NFIB: variants seen among roughly 807,000 people sequenced by gnomAD.
NFIB encodes the protein nuclear factor I B, also known as nuclear factor 1 B-type.
A neutral mutation model predicts 61.5 loss-of-function variants in NFIB; 11 were observed. That is an observed-to-expected ratio of 0.18 (90% confidence interval 0.11 to 0.30). The LOEUF (loss-of-function observed/expected upper bound fraction) is 0.30. Among genes scored for constraint, NFIB ranks in the 10% least tolerant of loss-of-function variants. NFIB has a pLI of 1.00. For missense variants in NFIB, 471 were observed against 608.9 expected (o/e 0.77, Z 2.38); for synonymous variants, 260 against 216.5 (o/e 1.20, Z -1.76).
intron 1 of NFIB, chr9:14,322,048 T>A: frequency 8.2e-7 from 1 of 1,220,698 alleles, no homozygotes; most frequent in Non-Finnish European, 1.0e-6. Context: ...TCTCAGGGGT[T>A]GTTTTGGTGT....
chr9:14,464,483 G>C, the NFIB span, among the ~76,000 whole-genome samples: 6 of 152,140 alleles, frequency 3.9e-5, no homozygotes, highest in Non-Finnish European at 7.4e-5. Flanking sequence ...GTAAGAAGTG[G>C]GCTTTGAACA....
chr9:14,427,937 GTTTTTTTTTTTTTT>G, the NFIB span, among the ~76,000 whole-genome samples: 18 of 43,420 alleles, frequency 4.1e-4, no homozygotes, highest in South Asian at 1.6e-3. Flanking sequence ...TAATTCAGTT[GTTTTTTTTTTTTTT>G]TTTTTTTTTT....
chr9:14,104,468 A>G (rs2036253856), intron 10 of NFIB, among the ~76,000 whole-genome samples: 1 of 152,090 alleles, frequency 6.6e-6, no homozygotes, highest in African/African-American at 2.4e-5. Context: ...AAGTACAATG[A>G]AAACAATCAA....
At chr9:14,347,180 G>T (rs1347604071) in intron 1 of NFIB, 1 of 151,786 alleles carries the variant, frequency 6.6e-6, no homozygotes, top group South Asian at 2.1e-4. Context: ...TTAAAAAAGA[G>T]AAATAAATTT....
chr9:14,241,673 C>G (rs184124419), intron 2 of NFIB, among the ~76,000 whole-genome samples: 1 of 152,164 alleles, frequency 6.6e-6, no homozygotes, highest in East Asian at 1.9e-4. Flanking sequence ...TGGATCAGGG[C>G]CCACAACCAT....
chr9:14,448,424 T>A, the NFIB span, among the ~76,000 whole-genome samples: 1 of 152,216 alleles, frequency 6.6e-6, no homozygotes, highest in Non-Finnish European at 1.5e-5. Context: ...TTGATTTAAC[T>A]ATTTATATAT....
At chr9:14,499,049 CGT>C in the NFIB span, among the ~76,000 whole-genome samples, 25 of 150,616 alleles carry the variant, frequency 1.7e-4, no homozygotes, top group South Asian at 1.9e-3. Flanking sequence ...CACGTGTGTA[CGT>C]GTGTGTGCGT....
chr9:14,356,126 C>T (rs1005139064), intron 1 of NFIB, among the ~76,000 whole-genome samples: 5 of 152,074 alleles, frequency 3.3e-5, no homozygotes, highest in African/African-American at 7.2e-5. Context: ...ATTATGGGGT[C>T]CCAAACAAAA....
intron 1 of NFIB, among the ~76,000 whole-genome samples, chr9:14,394,708 C>T (rs1019731287): frequency 6.6e-6 from 1 of 152,102 alleles, no homozygotes; most frequent in African/African-American, 2.4e-5. Context: ...TGGATTCCTT[C>T]AAATGGCTTC....
At chr9:14,392,037 C>A (rs2061628375) in intron 1 of NFIB, among the ~76,000 whole-genome samples, 1 of 152,158 alleles carries the variant, frequency 6.6e-6, no homozygotes, top group African/African-American at 2.4e-5. Flanking sequence ...CCCAAAAACC[C>A]ATCACCCGGT....
At chr9:14,471,027 T>C in the NFIB span, among the ~76,000 whole-genome samples, 1 of 152,230 alleles carries the variant, frequency 6.6e-6, no homozygotes, top group Non-Finnish European at 1.5e-5. Flanking sequence ...GTTTAAAGCA[T>C]TAATGATCTG....
At chr9:14,194,777 C>T (rs1332959447) in intron 2 of NFIB, among the ~76,000 whole-genome samples, 2 of 152,024 alleles carry the variant, frequency 1.3e-5, no homozygotes, top group African/African-American at 4.8e-5. Context: ...AATGGGATGA[C>T]AGCAAAGAAC....
chr9:14,118,794 G>A (rs2038531604), intron 8 of NFIB, among the ~76,000 whole-genome samples: 1 of 142,268 alleles, frequency 7.0e-6, no homozygotes, highest in Non-Finnish European at 1.5e-5. Flanking sequence ...TGAGATGAGA[G>A]TAATATGCTT....
intron 1 of NFIB, among the ~76,000 whole-genome samples, chr9:14,358,452 G>C (rs2061202028): frequency 6.6e-6 from 1 of 152,140 alleles, no homozygotes; most frequent in Admixed American, 6.5e-5. Context: ...GGAGGAGAGA[G>C]TCTGATTTGC....
At chr9:14,287,439 T>A (rs1419472928) in intron 2 of NFIB, among the ~76,000 whole-genome samples, 4 of 149,966 alleles carry the variant, frequency 2.7e-5, no homozygotes, top group African/African-American at 9.8e-5. Context: ...AAAAAAAAAA[T>A]TGAGACGGAG....
At chr9:14,104,708 G>C (rs1317416081) in intron 10 of NFIB, among the ~76,000 whole-genome samples, 2 of 150,874 alleles carry the variant, frequency 1.3e-5, no homozygotes, top group African/African-American at 4.9e-5. Context: ...ACTCTCCTGA[G>C]TAGCTGGAAT....
At chr9:14,377,964 A>G (rs571862125) in intron 1 of NFIB, among the ~76,000 whole-genome samples, 1 of 152,298 alleles carries the variant, frequency 6.6e-6, no homozygotes, top group East Asian at 1.9e-4. Flanking sequence ...TTGGATGACA[A>G]ATCTGTGATC....
At chr9:14,099,580 C>A (rs572796857) in intron 10 of NFIB, among the ~76,000 whole-genome samples, 32 of 152,248 alleles carry the variant, frequency 2.1e-4, no homozygotes, top group South Asian at 8.3e-4. Context: ...TACAACAAAG[C>A]AAAGCAACCT....
At chr9:14,513,131 C>G in the NFIB span, among the ~76,000 whole-genome samples, 943 of 152,198 alleles carry the variant, frequency 6.2e-3, 16 homozygotes, top group African/African-American at 0.022. Context: ...AAAAATACCT[C>G]TTATTCAGCA....
Sources: gnomAD v4.1 joint callset for allele counts (sites outside exome capture counted in the v4.1 genomes callset) on GRCh38, gnomAD v4.1.1 for gene constraint, MANE v1.5 for transcripts, NCBI Gene and HGNC (gene_info 2026-07-23, HGNC 2026-07-21) for gene names.